Variants in CNTN1 observed in about 807,000 individuals in gnomAD.
CNTN1 encodes contactin-1.
Under a neutral mutation model 126.4 loss-of-function variants are expected in CNTN1, and 38 were observed. The observed-to-expected ratio is 0.30, with a 90% CI of 0.23 to 0.39. CNTN1 has a LOEUF of 0.39. Among genes scored for constraint, CNTN1 ranks in the 10% least tolerant of loss-of-function variants. The probability of loss-of-function intolerance (pLI) is 1.00; values close to 1 mark genes in which losing one functional copy is unlikely to be tolerated. For missense variants in CNTN1, 1,009 were observed against 1,248.4 expected (o/e 0.81, Z 2.89); for synonymous variants, 413 against 422.6 (o/e 0.98, Z 0.28).
chr12:40,886,148 G>T (rs1361591281), intron 1 of CNTN1, among the ~76,000 whole-genome samples: 1 of 151,810 alleles, frequency 6.6e-6, no homozygotes, highest in Non-Finnish European at 1.5e-5. Flanking sequence ...TAATAGTTCT[G>T]CATCCTCTTT....
At chr12:41,002,554 C>CTTTT (rs200237008) in intron 17 of CNTN1, among the ~76,000 whole-genome samples, 12 of 131,488 alleles carry the variant, frequency 9.1e-5, no homozygotes, top group African/African-American at 9.3e-5. Context: ...TATAGGGTTT[C>CTTTT]TTTCTTTTTT....
chr12:41,010,931 T>G (rs1052972291), intron 17 of CNTN1, among the ~76,000 whole-genome samples: 8 of 152,128 alleles, frequency 5.3e-5, no homozygotes, highest in Admixed American at 5.2e-4. Flanking sequence ...TTCTTTGCCT[T>G]CCTTATCTCC....
chr12:40,737,287 G>GTGTT (rs1937729447), intron 1 of CNTN1, among the ~76,000 whole-genome samples: 1 of 146,702 alleles, frequency 6.8e-6, no homozygotes, highest in Admixed American at 6.9e-5. Flanking sequence ...GGATATATAT[G>GTGTT]TGTGTGTGTG....
chr12:40,893,690 G>T (rs919852448), intron 1 of CNTN1, among the ~76,000 whole-genome samples: 2 of 152,006 alleles, frequency 1.3e-5, no homozygotes, highest in East Asian at 3.8e-4. Flanking sequence ...AATAATTTCA[G>T]ATTTATATTT....
At chr12:41,037,394 T>C (rs552590097) in intron 23 of CNTN1, among the ~76,000 whole-genome samples, 1 of 152,232 alleles carries the variant, frequency 6.6e-6, no homozygotes, top group Non-Finnish European at 1.5e-5. Context: ...TGTATATATA[T>C]ATACAAATAC....
chr12:40,814,119 GC>G (rs1941181209), intron 1 of CNTN1, among the ~76,000 whole-genome samples: 1 of 152,110 alleles, frequency 6.6e-6, no homozygotes, highest in South Asian at 2.1e-4. Flanking sequence ...TGGGTAGATT[GC>G]AAAAATTTTC....
intron 1 of CNTN1, among the ~76,000 whole-genome samples, chr12:40,761,545 TA>T (rs1329744155): frequency 6.6e-6 from 1 of 152,126 alleles, no homozygotes; most frequent in African/African-American, 2.4e-5. Context: ...GGTTTTATTT[TA>T]TTTCTTAGAT....
chr12:40,770,099 G>C (rs1939278605), intron 1 of CNTN1, among the ~76,000 whole-genome samples: 2 of 152,086 alleles, frequency 1.3e-5, no homozygotes, highest in Non-Finnish European at 2.9e-5. Flanking sequence ...TATAGCCTTA[G>C]TCATGCCAAG....
chr12:40,794,688 G>C (rs1596523), intron 1 of CNTN1, among the ~76,000 whole-genome samples: 107,092 of 151,782 alleles, frequency 0.71, 37,859 homozygotes, highest in Middle Eastern at 0.76. Context: ...CAGAGAGATG[G>C]AGAAAAGTTA....
At chr12:40,850,542 A>AT (rs991202888) in intron 1 of CNTN1, among the ~76,000 whole-genome samples, 23 of 152,118 alleles carry the variant, frequency 1.5e-4, no homozygotes, top group African/African-American at 5.3e-4. Flanking sequence ...CATTCTTTGC[A>AT]TTAAAAAAAA....
intron 23 of CNTN1, among the ~76,000 whole-genome samples, chr12:41,050,508 C>A (rs1421691314): frequency 6.6e-6 from 1 of 152,128 alleles, no homozygotes; most frequent in Non-Finnish European, 1.5e-5. Context: ...CTCACTATCA[C>A]AAGAACAGCA....
intron 16 of CNTN1, among the ~76,000 whole-genome samples, chr12:40,989,626 G>A (rs1948051872): frequency 6.6e-6 from 1 of 152,142 alleles, no homozygotes; most frequent in Non-Finnish European, 1.5e-5. Flanking sequence ...TTCTTGCATT[G>A]AGACACTGTC....
At chr12:40,886,015 G>T (rs1944015905) in intron 1 of CNTN1, among the ~76,000 whole-genome samples, 1 of 152,028 alleles carries the variant, frequency 6.6e-6, no homozygotes, top group East Asian at 1.9e-4. Flanking sequence ...TAGTACAAAA[G>T]AAAACTATAG....
rs36070275 is a variant in CNTN1, at chr12:40,949,569, C to CTTTTTTTTT, written c.1683+5417_1683+5425dup. Among the ~76,000 whole-genome samples, 133 of 64,354 alleles carry CTTTTTTTTT rather than the reference C, an allele frequency of 2.1e-3. 2 individuals are homozygous for CTTTTTTTTT. Among genetic ancestry groups the CTTTTTTTTT allele is most frequent in the Non-Finnish European group, 2.4e-3 (86 of 35,570 alleles). The allele number at this position is 64,354 out of a possible 152,430, so 42.2% of individuals were successfully genotyped here. A position where few individuals can be genotyped will look rare whatever the true frequency, so the allele number is the denominator to read the frequency against. On this transcript the variant is annotated intron_variant, in intron 14 of 23. Transcript: ENST00000551295. ...TGGGTTTTCTTCTTTTCTTTTCTTT[C>CTTTTTTTTT]TTTTTTTTTTTTTTTTTTTTTTTTT...
chr12:40,862,718 TC>T (rs1475917706), intron 1 of CNTN1, among the ~76,000 whole-genome samples: 1 of 152,138 alleles, frequency 6.6e-6, no homozygotes, highest in Non-Finnish European at 1.5e-5. Context: ...ATGAAAAAAA[TC>T]TCCTTGTTAT....
At chr12:40,763,463 C>A (rs2136420044) in intron 1 of CNTN1, among the ~76,000 whole-genome samples, 1 of 152,166 alleles carries the variant, frequency 6.6e-6, no homozygotes, top group East Asian at 1.9e-4. Flanking sequence ...GCTTGTGCAG[C>A]TGACAATATT....
intron 23 of CNTN1, among the ~76,000 whole-genome samples, chr12:41,032,630 T>C (rs1017451842): frequency 6.6e-6 from 1 of 152,238 alleles, no homozygotes; most frequent in Non-Finnish European, 1.5e-5. Flanking sequence ...ATCATTCTTG[T>C]TTCTGTTCTG....
intron 15 of CNTN1, among the ~76,000 whole-genome samples, chr12:40,964,010 G>A (rs1299928233): frequency 6.6e-6 from 1 of 151,948 alleles, no homozygotes; most frequent in Non-Finnish European, 1.5e-5. Context: ...CATAAAATTA[G>A]GCCCCAAATG....
At chr12:40,771,200 G>A (rs748787677) in intron 1 of CNTN1, among the ~76,000 whole-genome samples, 1 of 152,066 alleles carries the variant, frequency 6.6e-6, no homozygotes, top group African/African-American at 2.4e-5. Flanking sequence ...AGAAAAGATT[G>A]AGGCTTGTGA....
Sources: gnomAD v4.1 joint callset for allele counts (sites outside exome capture counted in the v4.1 genomes callset) on GRCh38, gnomAD v4.1.1 for gene constraint, MANE v1.5 for transcripts, NCBI Gene and HGNC (gene_info 2026-07-23, HGNC 2026-07-21) for gene names.